Variants in TAS2R1 observed in about 807,000 individuals in gnomAD.
TAS2R1 encodes taste receptor type 2 member 1.
For synonymous variants in TAS2R1, 141 were observed against 134.2 expected (o/e 1.05, Z -0.35); for missense variants, 370 against 353.4 (o/e 1.05, Z -0.38).
Position 9,629,844 on chromosome 5 carries a change from G to C in TAS2R1, c.189C>G (p.Phe63Leu). The C allele has an allele frequency of 6.2e-7, 1 of 1,613,588 alleles. No individual in the cohort carries two copies. The highest frequency in any genetic ancestry group is 8.5e-7 in the Non-Finnish European group (1 of 1,179,918). ...VSRIFLQLFI[F>L]YVNVIVIFFI... ...AGAAGATAACAATCACATTAACGTA[G>C]AAGATGAACAACTGCAGAAAAATTC... The change falls in exon 1 of 1, where the codon TTC becomes TTG. Residue 63 changes from phenylalanine (F) to leucine (L), a missense_variant. Physicochemically the swap from Phe to Leu is conservative, Grantham distance 22. Coordinates refer to ENST00000382492, the MANE Select transcript of TAS2R1 (RefSeq NM_019599.3).
chr5:9,840,360 G>A, the TAS2R1 span, among the ~76,000 whole-genome samples: 6 of 152,116 alleles, frequency 3.9e-5, no homozygotes, highest in African/African-American at 9.7e-5. Context: ...CTGAATGAAT[G>A]GCACCAATAT....
chr5:9,898,142 T>C, the TAS2R1 span, among the ~76,000 whole-genome samples: 1 of 152,206 alleles, frequency 6.6e-6, no homozygotes, highest in Non-Finnish European at 1.5e-5. Context: ...TGCCTAATAA[T>C]TGTTCACGAT....
At chr5:9,770,000 G>A in the TAS2R1 span, among the ~76,000 whole-genome samples, 3 of 152,172 alleles carry the variant, frequency 2.0e-5, no homozygotes, top group South Asian at 2.1e-4. Context: ...CAACTCCAAT[G>A]TCCTGGAGAG....
chr5:9,718,629 A>G, the TAS2R1 span, among the ~76,000 whole-genome samples: 1 of 152,274 alleles, frequency 6.6e-6, no homozygotes, highest in East Asian at 1.9e-4. Flanking sequence ...TCTACAAAAC[A>G]AAACAAAACA....
At chr5:9,761,655 G>A in the TAS2R1 span, among the ~76,000 whole-genome samples, 1 of 152,148 alleles carries the variant, frequency 6.6e-6, no homozygotes, top group Non-Finnish European at 1.5e-5. Context: ...GGCTTTGAAT[G>A]CCTTTGCTCA....
chr5:9,753,678 C>T, the TAS2R1 span, among the ~76,000 whole-genome samples: 4 of 152,024 alleles, frequency 2.6e-5, no homozygotes, highest in Non-Finnish European at 5.9e-5. Flanking sequence ...TTTATGGTTT[C>T]AGGTCTAACA....
At chr5:9,865,038 G>A in the TAS2R1 span, among the ~76,000 whole-genome samples, 4 of 152,136 alleles carry the variant, frequency 2.6e-5, no homozygotes, top group Non-Finnish European at 4.4e-5. Context: ...ACGTCCATAC[G>A]GGTGGATGAA....
intron 2 of TAS2R1, among the ~76,000 whole-genome samples, chr5:9,654,815 A>G (rs982606377): frequency 6.6e-6 from 1 of 152,332 alleles, no homozygotes; most frequent in Non-Finnish European, 1.5e-5. Flanking sequence ...GAGACTGAAA[A>G]TAATACAGCT....
the TAS2R1 span, among the ~76,000 whole-genome samples, chr5:9,759,428 T>C: frequency 6.6e-6 from 1 of 152,200 alleles, no homozygotes; most frequent in Non-Finnish European, 1.5e-5. Context: ...CAGTGCATTA[T>C]ACCCAGGGTG....
chr5:9,872,458 A>C, the TAS2R1 span, among the ~76,000 whole-genome samples: 1 of 152,206 alleles, frequency 6.6e-6, no homozygotes, highest in Non-Finnish European at 1.5e-5. Context: ...TAATTCAAAA[A>C]TCAAACTATT....
the TAS2R1 span, among the ~76,000 whole-genome samples, chr5:9,810,843 T>C: frequency 6.6e-6 from 1 of 152,184 alleles, no homozygotes; most frequent in Non-Finnish European, 1.5e-5. Context: ...CAATGGAAAA[T>C]GTTGCACTAT....
At chr5:9,889,098 T>C in the TAS2R1 span, among the ~76,000 whole-genome samples, 1 of 152,188 alleles carries the variant, frequency 6.6e-6, no homozygotes, top group Non-Finnish European at 1.5e-5. Context: ...CCTTAAACTA[T>C]ACAGACCTAT....
At chr5:9,651,320 T>C (rs1269959240) in intron 2 of TAS2R1, among the ~76,000 whole-genome samples, 1 of 152,174 alleles carries the variant, frequency 6.6e-6, no homozygotes, top group Non-Finnish European at 1.5e-5. Context: ...TTTTAAATGA[T>C]GGGGTAATTA....
At chr5:9,718,442 G>A in the TAS2R1 span, among the ~76,000 whole-genome samples, 1 of 151,944 alleles carries the variant, frequency 6.6e-6, no homozygotes, top group Non-Finnish European at 1.5e-5. Flanking sequence ...AAAAGAAACA[G>A]ATACATGGCC....
chr5:9,650,575 T>C (rs1183477299), intron 2 of TAS2R1, among the ~76,000 whole-genome samples: 1 of 152,160 alleles, frequency 6.6e-6, no homozygotes, highest in African/African-American at 2.4e-5. Flanking sequence ...TGTGCACATA[T>C]GCTGTCCGTG....
chr5:9,848,774 T>A, the TAS2R1 span, among the ~76,000 whole-genome samples: 1 of 152,206 alleles, frequency 6.6e-6, no homozygotes, highest in Non-Finnish European at 1.5e-5. Context: ...AAAATTAAAA[T>A]AAATTTAAGA....
chr5:9,842,409 C>T, the TAS2R1 span, among the ~76,000 whole-genome samples: 8,565 of 150,624 alleles, frequency 0.057, 607 homozygotes, highest in East Asian at 0.22. Flanking sequence ...CAACCTCCAC[C>T]TCCCAGGTTT....
In TAS2R1 at chr5:9,700,325, G is replaced by A. The variant is rs112344363; in HGVS notation, c.-242+11847C>T. Among the ~76,000 whole-genome samples the A allele has an allele frequency of 5.4e-3, 825 of 152,176 alleles. 4 individuals carry two copies. Among genetic ancestry groups the A allele is most frequent in the Non-Finnish European group, 8.3e-3 (565 of 68,006 alleles). ...AGAATCTATGTGTTTACCTAGTTTCGTTATAGGCCCAATTTAACAAGTAAT... is the reference window on the plus strand; with the variant it reads ...AGAATCTATGTGTTTACCTAGTTTCATTATAGGCCCAATTTAACAAGTAAT... On this transcript the variant is annotated intron_variant, in intron 1 of 2. Transcript: ENST00000506620.
chr5:9,721,415 G>A, the TAS2R1 span, among the ~76,000 whole-genome samples: 2 of 152,178 alleles, frequency 1.3e-5, no homozygotes, highest in Non-Finnish European at 2.9e-5. Flanking sequence ...CTCTTCATCT[G>A]GGAAGTATGG....
Sources: allele counts gnomAD v4.1 joint callset (sites outside exome capture counted in the v4.1 genomes callset), GRCh38; gene constraint gnomAD v4.1.1; transcripts MANE v1.5; gene names NCBI Gene and HGNC (gene_info 2026-07-23, HGNC 2026-07-21).